TSHZ2: variants seen among roughly 807,000 people sequenced by gnomAD.
TSHZ2 encodes teashirt zinc finger homeobox 2.
A neutral mutation model predicts 74.4 loss-of-function variants in TSHZ2; 21 were observed. The ratio of observed to expected loss-of-function variants is 0.28; its 90% CI spans 0.20 to 0.41. TSHZ2 has a LOEUF of 0.41. Ranked by LOEUF, TSHZ2 falls within the 10% of genes least tolerant of loss-of-function variation. The pLI is 1.00. For missense variants in TSHZ2, 1,244 were observed against 1,293.5 expected (o/e 0.96, Z 0.59); for synonymous variants, 540 against 515.3 (o/e 1.05, Z -0.65).
chr20:53,243,260 T>C (rs561027252), intron 1 of TSHZ2, among the ~76,000 whole-genome samples: 23 of 152,140 alleles, frequency 1.5e-4, no homozygotes, highest in Non-Finnish European at 2.2e-4. Flanking sequence ...GGAGAAGAAT[T>C]TTCGCTTTCA....
chr20:53,143,675 G>A (rs910905349), intron 1 of TSHZ2, among the ~76,000 whole-genome samples: 2 of 152,050 alleles, frequency 1.3e-5, no homozygotes, highest in African/African-American at 2.4e-5. Flanking sequence ...CTGGGCAACA[G>A]AGCAAGACTC....
intron 2 of TSHZ2, among the ~76,000 whole-genome samples, chr20:53,436,749 C>T (rs1056633224): frequency 1.3e-5 from 2 of 151,566 alleles, no homozygotes; most frequent in African/African-American, 4.8e-5. Context: ...CACAGCTTCA[C>T]CATGTTGGCC....
At chr20:53,415,456 A>C in intron 2 of TSHZ2, among the ~76,000 whole-genome samples, 2 of 148,902 alleles carry the variant, frequency 1.3e-5, no homozygotes, top group Admixed American at 6.7e-5. Context: ...TCTGCTCCCC[A>C]CCCCTTCTTC....
At chr20:53,142,400 T>A (rs567043866) in intron 1 of TSHZ2, among the ~76,000 whole-genome samples, 14 of 152,276 alleles carry the variant, frequency 9.2e-5, no homozygotes, top group Admixed American at 1.3e-4. Context: ...AAAGGCTAAT[T>A]AAGTCTCATT....
intron 2 of TSHZ2, among the ~76,000 whole-genome samples, chr20:53,481,921 T>C (rs1341405962): frequency 2.0e-5 from 3 of 151,926 alleles, no homozygotes; most frequent in African/African-American, 4.8e-5. Flanking sequence ...CTGACCAACA[T>C]GGAGAAAGCT....
intron 1 of TSHZ2, among the ~76,000 whole-genome samples, chr20:53,218,902 T>C (rs1276313551): frequency 6.6e-6 from 1 of 152,208 alleles, no homozygotes; most frequent in Non-Finnish European, 1.5e-5. Flanking sequence ...TTGGAGACTT[T>C]CTAATACAGT....
At chr20:53,400,419 A>T (rs1288031699) in intron 2 of TSHZ2, 2 of 152,304 alleles carry the variant, frequency 1.3e-5, no homozygotes, top group African/African-American at 4.8e-5. Flanking sequence ...CATACGTCGA[A>T]ACTTCCTCTG....
intron 2 of TSHZ2, among the ~76,000 whole-genome samples, chr20:53,267,153 C>A (rs2250540): frequency 0.36 from 54,664 of 152,002 alleles, 10,493 homozygotes; most frequent in East Asian, 0.69. Context: ...GCTGCAAGGG[C>A]CACAAAGTCT....
intron 1 of TSHZ2, among the ~76,000 whole-genome samples, chr20:53,027,196 C>T (rs916899720): frequency 1.3e-5 from 2 of 151,964 alleles, no homozygotes; most frequent in Non-Finnish European, 2.9e-5. Context: ...ATTACTGAGC[C>T]AGAGCTGTGT....
intron 1 of TSHZ2, among the ~76,000 whole-genome samples, chr20:53,000,969 G>T (rs546190599): frequency 6.6e-6 from 1 of 152,254 alleles, no homozygotes; most frequent in South Asian, 2.1e-4. Flanking sequence ...ACCTCAGATG[G>T]ATTCAGAGGT....
intron 2 of TSHZ2, among the ~76,000 whole-genome samples, chr20:53,483,538 A>G (rs1042980208): frequency 6.6e-6 from 1 of 152,124 alleles, no homozygotes; most frequent in Non-Finnish European, 1.5e-5. Flanking sequence ...AAACAAAACA[A>G]AACAAATTTT....
rs539734384 is a variant in TSHZ2, at chr20:53,245,285, A to G, written c.41-8214A>G. Among the ~76,000 whole-genome samples the G allele has an allele frequency of 2.0e-5, 3 of 152,350 alleles. No individual in the cohort carries two copies. The East Asian group carries it at 5.8e-4, about 29-fold the overall frequency. ...TCCTTCCCAAGACATTACACAGTACACCAAGGTCTGCCTGATCCTAAGGCT... is the reference window on the plus strand; with the variant it reads ...TCCTTCCCAAGACATTACACAGTACGCCAAGGTCTGCCTGATCCTAAGGCT... On this transcript the variant is annotated intron_variant, in intron 1 of 2. Transcript: ENST00000371497.
intron 1 of TSHZ2, among the ~76,000 whole-genome samples, chr20:53,176,206 C>A (rs932489796): frequency 6.6e-6 from 1 of 152,202 alleles, no homozygotes; most frequent in Non-Finnish European, 1.5e-5. Context: ...CTCCTATTTT[C>A]TCTCCCTCTT....
At chr20:53,093,273 TGTGGCTGCTGTGTTGCC>T (rs1985940400) in intron 1 of TSHZ2, among the ~76,000 whole-genome samples, 1 of 152,268 alleles carries the variant, frequency 6.6e-6, no homozygotes, top group African/African-American at 2.4e-5. Context: ...TAGATGCTAC[TGTGGCTGCTGTGTTGCC>T]GTGGCTGCTG....
rs756636264 is a variant in TSHZ2 at position 53,018,887 on chromosome 20, G to A, written c.40+45554G>A. 7.5e-4 allele frequency among the ~76,000 whole-genome samples: 114 copies of A among 152,184 alleles called. No individual in the cohort carries two copies. The Middle Eastern group carries it at 0.027, about 36-fold the overall frequency. On this transcript the variant is annotated intron_variant, in intron 1 of 2. Transcript: ENST00000371497. Reference sequence around the variant, plus strand: ...CTTTCAATTCGTTTTCTGGATCTTCGTCCAATTTAAAAATATGTTAAGATT... The same window carrying A: ...CTTTCAATTCGTTTTCTGGATCTTCATCCAATTTAAAAATATGTTAAGATT...
chr20:53,428,976 T>A (rs1983747937), intron 2 of TSHZ2, among the ~76,000 whole-genome samples: 1 of 152,248 alleles, frequency 6.6e-6, no homozygotes, highest in South Asian at 2.1e-4. Flanking sequence ...AAAGTCCTTT[T>A]GCTTTTGTCT....
At chr20:53,066,006 C>T (rs1228476536) in intron 1 of TSHZ2, among the ~76,000 whole-genome samples, 1 of 152,140 alleles carries the variant, frequency 6.6e-6, no homozygotes, top group African/African-American at 2.4e-5. Context: ...ATCTGCAGCT[C>T]CCTTTCTGCT....
At chr20:53,355,792 A>G (rs936211954) in intron 2 of TSHZ2, among the ~76,000 whole-genome samples, 1 of 150,746 alleles carries the variant, frequency 6.6e-6, no homozygotes, top group African/African-American at 2.4e-5. Flanking sequence ...CAAAACAAAA[A>G]GAAGGATGAA....
chr20:53,281,340 C>CA (rs1042295094), intron 2 of TSHZ2, among the ~76,000 whole-genome samples: 3 of 151,766 alleles, frequency 2.0e-5, no homozygotes, highest in Non-Finnish European at 2.9e-5. Context: ...TTCTTGAGGT[C>CA]AAAAAAAGCT....
Sources: gnomAD v4.1 joint callset for allele counts (sites outside exome capture counted in the v4.1 genomes callset) on GRCh38, gnomAD v4.1.1 for gene constraint, MANE v1.5 for transcripts, NCBI Gene and HGNC (gene_info 2026-07-23, HGNC 2026-07-21) for gene names.